The following ERC1 variants were observed in gnomAD, a reference collection of about 807,000 sequenced individuals.
ERC1 encodes RAB6 interacting protein 2.
In ERC1, 56 loss-of-function variants were observed where a neutral mutation model predicts 132.0. The ratio of observed to expected loss-of-function variants is 0.42; its 90% CI spans 0.34 to 0.53. ERC1 has a LOEUF of 0.53. Ranked by LOEUF, ERC1 falls within the 20% of genes least tolerant of loss-of-function variation. The pLI, the probability that ERC1 is intolerant of heterozygous loss-of-function variation, is 0.03. For missense variants in ERC1, 1,202 were observed against 1,349.9 expected, an observed-to-expected ratio of 0.89 and a Z score of 1.72; for synonymous variants, 478 against 476.1, an observed-to-expected ratio of 1.00 and a Z score of -0.05.
chr12:1,315,005 C>A (rs923464316), intron 15 of ERC1, among the ~76,000 whole-genome samples: 6 of 152,072 alleles, frequency 3.9e-5, no homozygotes, highest in African/African-American at 1.4e-4. Context: ...CTGCTTCTGT[C>A]TTCATTGGAT....
At chr12:1,274,158 G>T (rs1362611234) in intron 14 of ERC1, among the ~76,000 whole-genome samples, 2 of 152,184 alleles carry the variant, frequency 1.3e-5, no homozygotes, top group South Asian at 2.1e-4. Context: ...ATCTACATTA[G>T]ATGTCCATAG....
At chr12:1,353,232 G>A (rs191103912) in intron 15 of ERC1, among the ~76,000 whole-genome samples, 3 of 151,798 alleles carry the variant, frequency 2.0e-5, no homozygotes, top group Non-Finnish European at 2.9e-5. Context: ...GGGTTTCACC[G>A]TGTTAGCCAG....
chr12:1,389,660 C>T (rs1367195428), intron 16 of ERC1, among the ~76,000 whole-genome samples: 1 of 152,060 alleles, frequency 6.6e-6, no homozygotes, highest in African/African-American at 2.4e-5. Flanking sequence ...ATCTTATATA[C>T]CCCATAGCCA....
chr12:1,357,143 A>G (rs1001650768), intron 15 of ERC1, among the ~76,000 whole-genome samples: 1 of 152,148 alleles, frequency 6.6e-6, no homozygotes, highest in African/African-American at 2.4e-5. Context: ...CTTTTTTTGT[A>G]AGTGTACCAC....
intron 15 of ERC1, among the ~76,000 whole-genome samples, chr12:1,294,979 A>G (rs187962049): frequency 1.5e-4 from 23 of 152,280 alleles, no homozygotes; most frequent in Admixed American, 1.5e-3. Flanking sequence ...AAGTTACTGA[A>G]TGAAAGAGGA....
rs533420866 is a variant in ERC1 at position 1,491,127 on chromosome 12, G to A, written c.*897G>A. 1.7e-5 allele frequency: 4 copies of A among 232,652 alleles called. No homozygotes were observed. The South Asian group carries it at 7.2e-4, about 42-fold the overall frequency. The allele number at this position is 232,652 out of a possible 1,614,324, so 14.4% of individuals were successfully genotyped here. A position where few individuals can be genotyped will look rare whatever the true frequency, so the allele number is the denominator to read the frequency against. On this transcript the variant is annotated 3_prime_UTR_variant, in exon 19 of 19. Coordinates refer to ENST00000360905, the MANE Select transcript of ERC1 (RefSeq NM_178040.4). ...CAAAGTTGACATATGAGACCCTGTTGTCCCCGCCTGCAGCTTTGCCCCAGT... is the reference window on the plus strand; with the variant it reads ...CAAAGTTGACATATGAGACCCTGTTATCCCCGCCTGCAGCTTTGCCCCAGT...
chr12:1,246,927 A>C (rs1440074878), intron 13 of ERC1, among the ~76,000 whole-genome samples: 1 of 152,212 alleles, frequency 6.6e-6, no homozygotes, highest in African/African-American at 2.4e-5. Context: ...ATGTCAGCTA[A>C]ATGAATTGTG....
intron 2 of ERC1, among the ~76,000 whole-genome samples, chr12:1,056,552 T>G (rs1020512014): frequency 1.3e-5 from 2 of 152,184 alleles, no homozygotes; most frequent in African/African-American, 4.8e-5. Flanking sequence ...GGACCAGGTG[T>G]GCCATTCTGG....
chr12:1,117,287 T>A (rs895162545), intron 7 of ERC1, among the ~76,000 whole-genome samples: 1 of 152,176 alleles, frequency 6.6e-6, no homozygotes, highest in Non-Finnish European at 1.5e-5. Context: ...AATCTTCCAA[T>A]AAGGAAGAAT....
intron 12 of ERC1, among the ~76,000 whole-genome samples, chr12:1,209,086 A>G (rs1031731469): frequency 2.7e-5 from 4 of 147,874 alleles, no homozygotes; most frequent in Non-Finnish European, 4.4e-5. Context: ...CCCCTGTCTC[A>G]GCCTTCTGAG....
chr12:1,412,418 C>G (rs1268917427), intron 17 of ERC1, among the ~76,000 whole-genome samples: 1 of 152,178 alleles, frequency 6.6e-6, no homozygotes, highest in Non-Finnish European at 1.5e-5. Flanking sequence ...GAAAAGGATT[C>G]TGGAGTTAGG....
At chr12:1,456,413 C>T (rs1004124791) in intron 18 of ERC1, among the ~76,000 whole-genome samples, 3 of 151,954 alleles carry the variant, frequency 2.0e-5, no homozygotes, top group South Asian at 2.1e-4. Flanking sequence ...TTCTACCAAG[C>T]GTATGTTGTT....
At chr12:1,217,760 T>C (rs1005333030) in intron 12 of ERC1, among the ~76,000 whole-genome samples, 27 of 152,178 alleles carry the variant, frequency 1.8e-4, no homozygotes, top group Admixed American at 1.7e-3. Context: ...CTTCCTTCCT[T>C]ACCCGGGTCA....
intron 18 of ERC1, among the ~76,000 whole-genome samples, chr12:1,455,188 C>G (rs1457297781): frequency 6.6e-6 from 1 of 152,152 alleles, no homozygotes; most frequent in East Asian, 1.9e-4. Context: ...ATTGGGATAT[C>G]TGTCACCCTA....
intron 13 of ERC1, among the ~76,000 whole-genome samples, chr12:1,255,787 C>G (rs564247129): frequency 1.5e-3 from 224 of 151,494 alleles, no homozygotes; most frequent in African/African-American, 5.2e-3. Flanking sequence ...CACCCACCAC[C>G]ACTCCTGGCT....
chr12:1,047,641 G>A (rs1029313498), intron 2 of ERC1, among the ~76,000 whole-genome samples: 1 of 152,196 alleles, frequency 6.6e-6, no homozygotes, highest in African/African-American at 2.4e-5. Flanking sequence ...TTCCTACATT[G>A]TAATGGCAGT....
At chr12:1,046,659 C>G (rs79243208) in intron 2 of ERC1, among the ~76,000 whole-genome samples, 8,115 of 152,204 alleles carry the variant, frequency 0.053, 358 homozygotes, top group Admixed American at 0.15. Flanking sequence ...ATAATAATAG[C>G]TAACACTTGT....
intron 3 of ERC1, among the ~76,000 whole-genome samples, chr12:1,092,239 C>T (rs1192241095): frequency 6.6e-6 from 1 of 152,116 alleles, no homozygotes; most frequent in Non-Finnish European, 1.5e-5. Context: ...CCTCGTGATC[C>T]GCCCGCCTCG....
intron 8 of ERC1, among the ~76,000 whole-genome samples, chr12:1,146,307 G>GTTTTTTTTTTTTTTTTTTTT (rs1346178811): frequency 1.7e-5 from 1 of 59,392 alleles, no homozygotes; most frequent in Non-Finnish European, 3.1e-5. Context: ...GTATTTTACT[G>GTTTTTTTTTTTTTTTTTTTT]GTTTTTTTTT....
Sources: gnomAD v4.1 joint callset for allele counts (sites outside exome capture counted in the v4.1 genomes callset) on GRCh38, gnomAD v4.1.1 for gene constraint, MANE v1.5 for transcripts, NCBI Gene and HGNC (gene_info 2026-07-23, HGNC 2026-07-21) for gene names.